Variants in CNNM2 observed in about 807,000 individuals in gnomAD.
CNNM2 encodes the protein cyclin and CBS domain divalent metal cation transport mediator 2.
In CNNM2, 12 loss-of-function variants were observed where a neutral mutation model predicts 66.9. The ratio of observed to expected loss-of-function variants is 0.18; its 90% CI spans 0.11 to 0.29. The LOEUF (loss-of-function observed/expected upper bound fraction) is 0.29, where lower values mean the gene tolerates loss of function less well. Ranked by LOEUF, CNNM2 falls within the 10% of genes least tolerant of loss-of-function variation. The pLI is 1.00. For missense variants in CNNM2, 705 were observed against 1,167.7 expected (o/e 0.60, Z 5.77); for synonymous variants, 557 against 501.8 (o/e 1.11, Z -1.47).
intron 1 of CNNM2, among the ~76,000 whole-genome samples, chr10:103,004,792 C>T (rs772084646): frequency 6.6e-6 from 1 of 152,148 alleles, no homozygotes; most frequent in Non-Finnish European, 1.5e-5. Flanking sequence ...TCTTCTAGAT[C>T]GTCTCAGCTT....
At chr10:102,972,013 T>G (rs2063553956) in intron 1 of CNNM2, among the ~76,000 whole-genome samples, 1 of 152,168 alleles carries the variant, frequency 6.6e-6, no homozygotes, top group Non-Finnish European at 1.5e-5. Flanking sequence ...AAACCCTAAC[T>G]CTTAATTTGC....
chr10:102,927,201 G>A lies in CNNM2; in HGVS notation c.1621+7100G>A, dbSNP rs968320549. 20 of 1,015,070 alleles carry A rather than the reference G, an allele frequency of 2.0e-5. No individual in the cohort carries two copies. In the African/African-American group the frequency reaches 2.8e-4, roughly 14 times the overall value. The allele number at this position is 1,015,070 out of a possible 1,614,324, so 62.9% of individuals were successfully genotyped here. On this transcript the variant is annotated intron_variant, in intron 1 of 7. Coordinates refer to ENST00000369878, the MANE Select transcript of CNNM2 (RefSeq NM_017649.5). ...TATATATATATGTGTGTATGTATAT[G>A]TTATTGACAGTAAACTTTCAATTCA...
At chr10:102,966,576 G>A (rs1364562059) in intron 1 of CNNM2, among the ~76,000 whole-genome samples, 3 of 152,166 alleles carry the variant, frequency 2.0e-5, no homozygotes, top group Non-Finnish European at 4.4e-5. Flanking sequence ...GCAGTGAGTC[G>A]AGATCGCACC....
In CNNM2 at chr10:103,051,509, G is replaced by GGC. The variant is rs527935336; in HGVS notation, c.1765+1661_1765+1662dup. ...TAATGCCAGCACTTTGGGAGGCCGA[G>GGC]GCGGGTGGATCACTTGAGTTCGGGA... On this transcript the variant is annotated intron_variant, in intron 2 of 7. Transcript: ENST00000369878. Among the ~76,000 whole-genome samples the GGC allele has an allele frequency of 7.7e-3, 1,174 of 152,086 alleles. 9 individuals carry two copies. Among genetic ancestry groups the GGC allele is most frequent in the South Asian group, 0.036 (173 of 4,824 alleles).
chr10:102,992,568 C>A (rs574564638), intron 1 of CNNM2, among the ~76,000 whole-genome samples: 7 of 152,172 alleles, frequency 4.6e-5, no homozygotes, highest in African/African-American at 1.4e-4. Flanking sequence ...GCCACCGTGC[C>A]CGGCCTCCAG....
At chr10:102,962,248 T>A (rs1234378177) in intron 1 of CNNM2, among the ~76,000 whole-genome samples, 1 of 152,216 alleles carries the variant, frequency 6.6e-6, no homozygotes, top group Non-Finnish European at 1.5e-5. Context: ...TGGGTTGATT[T>A]GTGCAGCAAA....
chr10:102,957,353 A>G (rs1847082611), intron 1 of CNNM2, among the ~76,000 whole-genome samples: 1 of 152,188 alleles, frequency 6.6e-6, no homozygotes, highest in Non-Finnish European at 1.5e-5. Context: ...CAGCTGGTGG[A>G]GATAGGACTA....
At chr10:102,932,701 T>C (rs1846104396) in intron 1 of CNNM2, among the ~76,000 whole-genome samples, 1 of 152,082 alleles carries the variant, frequency 6.6e-6, no homozygotes, top group Admixed American at 6.5e-5. Flanking sequence ...GTGGATCACT[T>C]GAGGTCAGGA....
In CNNM2 at chr10:103,089,261, T is replaced by C. The variant is rs2066103025; in HGVS notation, c.*12081T>C. On this transcript the variant is annotated 3_prime_UTR_variant, in exon 8 of 8. Coordinates refer to ENST00000369878, the MANE Select transcript of CNNM2 (RefSeq NM_017649.5). ...AATACCATGTAATGCACTGGAAAAG[T>C]TGGACCTTGGAGTAATAGCACAATT... 1 of 223,744 alleles carries C rather than the reference T, an allele frequency of 4.5e-6. No homozygotes were observed. The highest frequency in any genetic ancestry group is 1.8e-4 in the South Asian group (1 of 5,566). 13.9% of individuals were successfully genotyped at this position (223,744 alleles called of 1,614,324 possible). A position where few individuals can be genotyped will look rare whatever the true frequency, so the allele number is the denominator to read the frequency against.
rs17115230 is a variant in CNNM2, at chr10:102,928,872, A to G, written c.1621+8771A>G. 0.015 allele frequency among the ~76,000 whole-genome samples: 2,325 copies of G among 152,298 alleles called. 61 individuals carry two copies. Among genetic ancestry groups the G allele is most frequent in the African/African-American group, 0.052 (2,159 of 41,550 alleles). ...GAGAGGACGCATTCAAACCATAGCA[A>G]TTGTTCTTGGTCATTCTCTTGACTG... On this transcript the variant is annotated intron_variant, in intron 1 of 7. Coordinates refer to ENST00000369878, the MANE Select transcript of CNNM2 (RefSeq NM_017649.5).
At chr10:102,927,699 A>C in intron 1 of CNNM2, 1 of 322,692 alleles carries the variant, frequency 3.1e-6, no homozygotes, top group African/African-American at 2.1e-5. Context: ...TAGGTGGCGG[A>C]GGTTGCCGTG....
At chr10:103,023,407 G>T (rs1287099493) in intron 1 of CNNM2, among the ~76,000 whole-genome samples, 2 of 152,172 alleles carry the variant, frequency 1.3e-5, no homozygotes, top group Non-Finnish European at 2.9e-5. Flanking sequence ...AGAGGGTGTG[G>T]CATGGTGGTG....
chr10:103,089,552 G>C lies in CNNM2; in HGVS notation c.*12372G>C, dbSNP rs935414231. 3 of 1,419,002 alleles carry C rather than the reference G, an allele frequency of 2.1e-6. No homozygotes were observed. Among genetic ancestry groups the C allele is most frequent in the Admixed American group, 6.3e-5 (2 of 31,584 alleles). The allele number at this position is 1,419,002 out of a possible 1,614,324, so 87.9% of individuals were successfully genotyped here. A position where few individuals can be genotyped will look rare whatever the true frequency, so the allele number is the denominator to read the frequency against. ...TAATAAAATCTTCAGAAACTTTTCA[G>C]ACGTACCTTTCATGGAGCCCCCTCC... On this transcript the variant is annotated 3_prime_UTR_variant, in exon 8 of 8. Coordinates refer to ENST00000369878, the MANE Select transcript of CNNM2 (RefSeq NM_017649.5).
At chr10:102,966,821 C>CA (rs1202117426) in intron 1 of CNNM2, among the ~76,000 whole-genome samples, 1 of 152,018 alleles carries the variant, frequency 6.6e-6, no homozygotes, top group African/African-American at 2.4e-5. Context: ...GTGCTGAGTG[C>CA]AAAGCTCAGG....
Position 103,083,105 on chromosome 10 carries a change from T to C in CNNM2, c.*5925T>C, listed in dbSNP as rs2065772768. 6.6e-6 allele frequency: 1 copy of C among 152,248 alleles called. No individual in the cohort carries two copies. Among genetic ancestry groups the C allele is most frequent in the Non-Finnish European group, 1.5e-5 (1 of 68,042 alleles). The allele number at this position is 152,248 out of a possible 1,614,324, so 9.4% of individuals were successfully genotyped here. On this transcript the variant is annotated 3_prime_UTR_variant, in exon 8 of 8. Coordinates refer to ENST00000369878, the MANE Select transcript of CNNM2 (RefSeq NM_017649.5). ...CCTGCTTTGTGTCTGACTTTGATCC[T>C]CCTCAGCCTTTATTCACTGTATCAT...
Position 102,918,733 on chromosome 10 carries a change from G to T in CNNM2, c.253G>T (p.Val85Leu), listed in dbSNP as rs1359753567. 3 of 1,580,896 alleles carry T rather than the reference G, an allele frequency of 1.9e-6. No individual in the cohort carries two copies. The highest frequency in any genetic ancestry group is 1.8e-5 in the Admixed American group (1 of 54,676). ...GCTGCGACTGGAGGACACGAACGAC[G>T]TGTCGTTCATGGAAGGGGGGGCGCT... The part of the protein sequence containing the change: ...IGLRLEDTND[V>L]SFMEGGALRV... Residue 85 changes from valine to leucine, a missense_variant, in exon 1 of 8, where the codon GTG becomes TTG. By Grantham distance (32) the Val-to-Leu change is conservative. Around this residue, in one of 9 missense-constraint regions of CNNM2, gnomAD observed 37 missense variants for 58.5 expected, o/e 0.63. Transcript: ENST00000369878. This position sits in a 1 kb window ranked among gnomAD's most constrained non-coding sequence, Gnocchi z 4.1.
rs1352511576 is a variant in CNNM2, at chr10:103,054,036, A to G, written c.1766-293A>G. 1.3e-5 allele frequency among the ~76,000 whole-genome samples: 2 copies of G among 152,050 alleles called. No individual in the cohort carries two copies. The highest frequency in any genetic ancestry group is 2.9e-5 in the Non-Finnish European group (2 of 68,006). On this transcript the variant is annotated intron_variant, in intron 2 of 7. Coordinates refer to ENST00000369878, the MANE Select transcript of CNNM2 (RefSeq NM_017649.5). This position sits in a 1 kb window ranked among gnomAD's most constrained non-coding sequence, Gnocchi z 5.2. ...GGGTCTTGTGAGAGGCTCTGTCAGC[A>G]TTTGCCTGATGCTGTGCTCACAAGG... is the stretch of plus-strand genomic sequence containing the variant.
At chr10:103,036,125 T>C (rs940841679) in intron 1 of CNNM2, among the ~76,000 whole-genome samples, 1 of 149,078 alleles carries the variant, frequency 6.7e-6, no homozygotes, top group Admixed American at 6.8e-5. Flanking sequence ...ACAAAACCAA[T>C]AGGACACACA....
intron 1 of CNNM2, among the ~76,000 whole-genome samples, chr10:103,026,146 C>A (rs2064698717): frequency 6.6e-6 from 1 of 152,204 alleles, no homozygotes; most frequent in Non-Finnish European, 1.5e-5. Context: ...AGCCTCCAAA[C>A]TGTAAGAAAT....
Sources: allele counts gnomAD v4.1 joint callset (sites outside exome capture counted in the v4.1 genomes callset), GRCh38; gene constraint gnomAD v4.1.1; regional missense constraint gnomAD v4.1.1; non-coding constraint Gnocchi (gnomAD v3.1); transcripts MANE v1.5; gene names NCBI Gene and HGNC (gene_info 2026-07-23, HGNC 2026-07-21).